C5: variants seen among roughly 807,000 people sequenced by gnomAD.
The protein encoded by C5 is complement C5, also known as C3 and PZP-like alpha-2-macroglobulin domain-containing protein 4.
A neutral mutation model predicts 218.8 loss-of-function variants in C5; 140 were observed. The ratio of observed to expected loss-of-function variants is 0.64; its 90% CI spans 0.56 to 0.74. The LOEUF (loss-of-function observed/expected upper bound fraction) is 0.74, where lower values mean the gene tolerates loss of function less well. Ranked by LOEUF, C5 falls within the 30% of genes least tolerant of loss-of-function variation. C5 has a pLI of 0.00. For missense variants in C5, 1,700 were observed against 1,969.6 expected (o/e 0.86, Z 2.59); for synonymous variants, 614 against 682.3 (o/e 0.90, Z 1.56).
intron 14 of C5, 139 bp downstream of exon 14, chr9:121,017,223 G>T: frequency 1.1e-6 from 1 of 936,966 alleles, no homozygotes; most frequent in Non-Finnish European, 1.7e-6. Context: ...CTGACAGGAG[G>T]ATGGTTTACC....
the C5 span, among the ~76,000 whole-genome samples, chr9:121,067,625 G>T: frequency 2.0e-5 from 3 of 151,856 alleles, no homozygotes; most frequent in African/African-American, 7.3e-5. Flanking sequence ...GTATGGTTTG[G>T]CACTGTGTCC....
chr9:121,010,685 C>T (rs537070538), intron 17 of C5, among the ~76,000 whole-genome samples: 4 of 151,948 alleles, frequency 2.6e-5, no homozygotes, highest in Admixed American at 6.6e-5. Context: ...AAAGCAATCC[C>T]GAGCAAAAAG....
intron 3 of C5, among the ~76,000 whole-genome samples, chr9:121,041,670 C>T (rs1469824598): frequency 1.3e-5 from 2 of 152,136 alleles, no homozygotes; most frequent in Non-Finnish European, 2.9e-5. Flanking sequence ...TGGACAAAGA[C>T]TGATGACCCT....
At chr9:121,057,076 A>T in the C5 span, among the ~76,000 whole-genome samples, 1 of 152,226 alleles carries the variant, frequency 6.6e-6, no homozygotes, top group Non-Finnish European at 1.5e-5. Context: ...GGGATGACAT[A>T]GTCAAAGTGC....
chr9:121,042,201 A>G (rs2047587398), intron 3 of C5, among the ~76,000 whole-genome samples: 1 of 152,196 alleles, frequency 6.6e-6, no homozygotes, highest in Non-Finnish European at 1.5e-5. Flanking sequence ...AAACGGGGGA[A>G]TGGAAGGCTT....
At chr9:120,967,152 C>T (rs1051371647) in intron 33 of C5, among the ~76,000 whole-genome samples, 13 of 150,696 alleles carry the variant, frequency 8.6e-5, no homozygotes, top group African/African-American at 2.4e-4. Flanking sequence ...CCCAGCTACT[C>T]GGGAGGCTGA....
chr9:120,997,655 G>A lies in C5; in HGVS notation c.2682C>T (p.His894=), dbSNP rs560255890. Residue 894 remains histidine (H), a synonymous_variant, in exon 21 of 41, where the codon CAC becomes CAT. Coordinates refer to ENST00000223642, the MANE Select transcript of C5 (RefSeq NM_001735.3). ...VRQKVEGSSS[H]LVTFTVLPLE... ...GAGGAAGCACAGTGAATGTCACCAAGTGACTGGAGGAGCCCTCTACTTTCT... is the reference window on the plus strand; with the variant it reads ...GAGGAAGCACAGTGAATGTCACCAAATGACTGGAGGAGCCCTCTACTTTCT... 22 of 1,614,160 alleles carry A rather than the reference G, an allele frequency of 1.4e-5. No individual in the cohort carries two copies. In the South Asian group the frequency reaches 2.1e-4, roughly 15 times the overall value.
At chr9:121,030,772 C>T (rs1383191847) in intron 6 of C5, among the ~76,000 whole-genome samples, 1 of 152,100 alleles carries the variant, frequency 6.6e-6, no homozygotes, top group East Asian at 1.9e-4. Context: ...AGTATAGGTT[C>T]CTTGAAAACA....
intron 23 of C5, among the ~76,000 whole-genome samples, 166 bp from the exon 24 acceptor site, chr9:120,989,946 T>C (rs1444506894): frequency 1.3e-5 from 2 of 151,258 alleles, no homozygotes; most frequent in African/African-American, 2.4e-5. Flanking sequence ...GTTAGGAACA[T>C]GAATTTGAAA....
chr9:121,036,804 ATAT>A (rs1490992283), intron 4 of C5, among the ~76,000 whole-genome samples: 3 of 151,714 alleles, frequency 2.0e-5, no homozygotes, highest in Non-Finnish European at 4.4e-5. Context: ...TATTTGTTTT[ATAT>A]TTTAGTATGG....
At chr9:121,065,780 G>A in the C5 span, among the ~76,000 whole-genome samples, 2 of 152,140 alleles carry the variant, frequency 1.3e-5, no homozygotes, top group East Asian at 1.9e-4. Context: ...GAGCCACTGC[G>A]CCCAGCCCAG....
At chr9:121,003,534 CAA>C (rs892496182) in intron 20 of C5, among the ~76,000 whole-genome samples, 5 of 152,082 alleles carry the variant, frequency 3.3e-5, no homozygotes, top group Admixed American at 1.3e-4. Context: ...ATTTCTATGA[CAA>C]AGAGTAAGTC....
chr9:120,966,449 A>G (rs550463934), intron 33 of C5, among the ~76,000 whole-genome samples: 144 of 152,320 alleles, frequency 9.5e-4, no homozygotes, highest in African/African-American at 3.4e-3. Flanking sequence ...GATTTCCTGA[A>G]GGTCACTGGA....
At position 120,952,534 on chromosome 9, in the gene C5, C is replaced by T; in HGVS notation, c.*205G>A. ...ATAACCTTGGAGGAGTATCTGTCTT[C>T]ATGCCCTCCAAGGCCATGTTATTTC... is the stretch of plus-strand genomic sequence containing the variant. On this transcript the variant is annotated 3_prime_UTR_variant, in exon 41 of 41. Coordinates refer to ENST00000223642, the MANE Select transcript of C5 (RefSeq NM_001735.3). 2.0e-6 allele frequency: 1 copy of T among 491,520 alleles called. No individual in the cohort carries two copies. Among genetic ancestry groups the T allele is most frequent in the Non-Finnish European group, 3.7e-6 (1 of 272,732 alleles). The allele number at this position is 491,520 out of a possible 1,614,324, so 30.4% of individuals were successfully genotyped here.
the C5 span, among the ~76,000 whole-genome samples, chr9:121,068,221 T>C: frequency 6.6e-6 from 1 of 152,194 alleles, no homozygotes; most frequent in African/African-American, 2.4e-5. Flanking sequence ...CATAATTCTA[T>C]ATGTAGAAAA....
At chr9:121,062,534 C>T in the C5 span, among the ~76,000 whole-genome samples, 1 of 152,152 alleles carries the variant, frequency 6.6e-6, no homozygotes, top group African/African-American at 2.4e-5. Flanking sequence ...TCTCTTAACA[C>T]TTCACAAGGA....
In C5 at chr9:121,017,818, G is replaced by A. The variant is rs199664327; in HGVS notation, c.1541C>T (p.Thr514Met). Residue 514 changes from threonine (T) to methionine (M), a missense_variant, in exon 13 of 41, where the codon ACG becomes ATG. Transcript: ENST00000223642. ...AGATGCATCTGAAAATTTCTCCCTC[G>A]TGCCAAAGTGGATAATTTTGCCCTT... ...LSKGKIIHFG[T>M]REKFSDASYQ... is the part of the protein sequence containing the mutation. 6.4e-5 allele frequency: 103 copies of A among 1,613,232 alleles called. No individual in the cohort carries two copies. In the East Asian group the frequency reaches 1.0e-3, roughly 16 times the overall value.
chr9:121,026,150 T>A (rs932472409), intron 8 of C5, among the ~76,000 whole-genome samples: 1 of 152,204 alleles, frequency 6.6e-6, no homozygotes, highest in Non-Finnish European at 1.5e-5. Context: ...TTTTGCATTT[T>A]AAAAATGCAT....
Position 121,014,070 on chromosome 9 carries a change from G to A in C5, c.2060C>T (p.Ala687Val). Residue 687 changes from alanine to valine, a missense_variant and splice_region_variant, in exon 17 of 41, where the codon GCT (alanine) becomes GTT (valine). Transcript: ENST00000223642. ...RTLQKKIEEI[A>V]AKYKHSVVKK... The stretch of plus-strand genomic sequence containing the variant: ...CACTACTGAATGTTTATATTTAGCA[G>A]CTGAAATGGTAATAATGCAAGTGCT... 1.9e-6 allele frequency: 3 copies of A among 1,613,408 alleles called. No homozygotes were observed. Among genetic ancestry groups the A allele is most frequent in the South Asian group, 1.1e-5 (1 of 91,068 alleles).
Sources: gnomAD v4.1 joint callset for allele counts (sites outside exome capture counted in the v4.1 genomes callset) on GRCh38, gnomAD v4.1.1 for gene constraint, MANE v1.5 for transcripts, NCBI Gene and HGNC (gene_info 2026-07-23, HGNC 2026-07-21) for gene names.